NUTM2F: variants seen among roughly 807,000 people sequenced by gnomAD.
The protein encoded by NUTM2F is NUT family member 2F.
In NUTM2F, 22 loss-of-function variants were observed where a neutral mutation model predicts 43.3. That is an observed-to-expected ratio of 0.51 (90% CI 0.36 to 0.73). The LOEUF (loss-of-function observed/expected upper bound fraction) is 0.73. Among genes scored for constraint, NUTM2F ranks in the 30% least tolerant of loss-of-function variants. The pLI is 0.00. For missense variants in NUTM2F, 488 were observed against 927.4 expected (o/e 0.53, Z 6.15); for synonymous variants, 202 against 389.0 (o/e 0.52, Z 5.66).
chr9:94,321,905 G>A (rs1831373208), intron 3 of NUTM2F, among the ~76,000 whole-genome samples: 1 of 151,588 alleles, frequency 6.6e-6, no homozygotes, highest in East Asian at 1.9e-4. Context: ...CATCCCCACA[G>A]CTGGAGGAGA....
At chr9:94,325,970 G>A (rs369814171) in intron 1 of NUTM2F, 36 bp from the exon 2 acceptor site, 246 of 1,607,916 alleles carry the variant, frequency 1.5e-4, no homozygotes, top group Middle Eastern at 2.3e-4. Flanking sequence ...ATGAGCTGGC[G>A]TCTCCAGGTC....
rs2118746667 is a variant in NUTM2F at position 94,328,601 on chromosome 9, G to A, written c.16+7C>T. On this transcript the variant is annotated splice_region_variant and intron_variant, in intron 1 of 6. Coordinates refer to ENST00000253262, the MANE Select transcript of NUTM2F (RefSeq NM_017561.2). ...ACTCGGATAATGCCCCATCCCTACA[G>A]GCTCACCTCCATTTGAAGCCATCCC... 6.2e-7 allele frequency: 1 copy of A among 1,613,726 alleles called. No individual in the cohort carries two copies. Among genetic ancestry groups the A allele is most frequent in the East Asian group, 2.2e-5 (1 of 44,860 alleles).
chr9:94,321,793 C>T (rs1000311776), intron 3 of NUTM2F, among the ~76,000 whole-genome samples: 7 of 149,780 alleles, frequency 4.7e-5, no homozygotes, highest in African/African-American at 1.7e-4. Flanking sequence ...TCCCCTGACC[C>T]AACTCCCTGG....
Position 94,320,130 on chromosome 9 carries a change from G to A in NUTM2F, c.1368+78C>T. On this transcript the variant is annotated intron_variant, in intron 5 of 6. Coordinates refer to ENST00000253262, the MANE Select transcript of NUTM2F (RefSeq NM_017561.2). The surrounding 1 kb of genome is among the most constrained non-coding windows in gnomAD (Gnocchi z 4.5). ...ATACACATACTACTGAGTAGCTAAG[G>A]AACAGAGCTTAATTCCAAGGACCTG... The A allele has an allele frequency of 7.8e-7, 1 of 1,274,174 alleles. No individual in the cohort carries two copies. The highest frequency in any genetic ancestry group is 1.1e-6 in the Non-Finnish European group (1 of 898,704). The allele number at this position is 1,274,174 out of a possible 1,614,324, so 78.9% of individuals were successfully genotyped here. A position where few individuals can be genotyped will look rare whatever the true frequency, so the allele number is the denominator to read the frequency against.
chr9:94,327,166 C>T (rs1311617316), intron 1 of NUTM2F, among the ~76,000 whole-genome samples: 4 of 144,404 alleles, frequency 2.8e-5, no homozygotes, highest in Non-Finnish European at 6.1e-5. Flanking sequence ...TGCAGTGGTG[C>T]GATCTCAGCT....
In NUTM2F at chr9:94,320,491, C is replaced by G; in HGVS notation, c.1085G>C (p.Arg362Thr). 2 of 1,611,438 alleles carry G rather than the reference C, an allele frequency of 1.2e-6. No individual in the cohort carries two copies. Among genetic ancestry groups the G allele is most frequent in the African/African-American group, 1.3e-5 (1 of 74,948 alleles). ...AETKAHLPPP[R>T]PQRPAETNAH... is the part of the protein sequence containing the mutation. Reference sequence around the variant, plus strand: ...GTTGGTCTCCGCTGGCCTCTGGGGCCTGGGTGGTGGCAGGTGGGCCTTGGT... The same window carrying G: ...GTTGGTCTCCGCTGGCCTCTGGGGCGTGGGTGGTGGCAGGTGGGCCTTGGT... Residue 362 changes from arginine (R) to threonine (T), a missense_variant, in exon 5 of 7, where the codon AGG (arginine) becomes ACG (threonine). Transcript: ENST00000253262. The surrounding 1 kb of genome is among the most constrained non-coding windows in gnomAD (Gnocchi z 4.5).
chr9:94,325,070 T>C lies in NUTM2F; in HGVS notation c.713+168A>G, dbSNP rs1048691297. ...ACGTGAGGCCCCTGACAGTCTGTCC[T>C]GAGCCGCAGCCAGATTAATGTTGCT... is the stretch of plus-strand genomic sequence containing the variant. On this transcript the variant is annotated intron_variant, in intron 2 of 6. Transcript: ENST00000253262. Among the ~76,000 whole-genome samples, 7 of 140,162 alleles carry C rather than the reference T, an allele frequency of 5.0e-5. 1 individual carries two copies. Among genetic ancestry groups the C allele is most frequent in the African/African-American group, 1.9e-4 (7 of 36,202 alleles). 92.0% of individuals were successfully genotyped at this position (140,162 alleles called of 152,430 possible). A position where few individuals can be genotyped will look rare whatever the true frequency, so the allele number is the denominator to read the frequency against.
At chr9:94,324,009 C>T (rs141465035) in intron 2 of NUTM2F, among the ~76,000 whole-genome samples, 4,004 of 152,278 alleles carry the variant, frequency 0.026, 75 homozygotes, top group Non-Finnish European at 0.039. Context: ...GTGGCTCACG[C>T]CTGCAATCCT....
At chr9:94,327,097 C>CTT (rs1270082482) in intron 1 of NUTM2F, among the ~76,000 whole-genome samples, 3 of 123,576 alleles carry the variant, frequency 2.4e-5, no homozygotes, top group Non-Finnish European at 5.5e-5. Flanking sequence ...TAGGGATTTT[C>CTT]TTTTTTTTCT....
At chr9:94,323,464 C>G (rs963774798) in intron 2 of NUTM2F, among the ~76,000 whole-genome samples, 4 of 152,130 alleles carry the variant, frequency 2.6e-5, no homozygotes, top group African/African-American at 9.7e-5. Context: ...ACAAACTCTC[C>G]CAGATGCTGA....
chr9:94,325,581 G>C lies in NUTM2F; in HGVS notation c.370C>G (p.Pro124Ala). Reference sequence around the variant, plus strand: ...CCAGGAGCAGCTGCCAGGAGTAGGGGAGGTGGACACATGACACCTCCACAG... The same window carrying C: ...CCAGGAGCAGCTGCCAGGAGTAGGGCAGGTGGACACATGACACCTCCACAG... Reference protein sequence around the residue: ...TLCGGVMCPPPLLLAAAPGVP... With the variant: ...TLCGGVMCPPALLLAAAPGVP... The change falls in exon 2 of 7, where the codon CCC becomes GCC. Residue 124 changes from proline (P) to alanine (A), a missense_variant. Pro to Ala is a conservative substitution (Grantham distance 27). Coordinates refer to ENST00000253262, the MANE Select transcript of NUTM2F (RefSeq NM_017561.2). The C allele has an allele frequency of 6.4e-7, 1 of 1,564,830 alleles. No individual in the cohort carries two copies. The highest frequency in any genetic ancestry group is 1.1e-5 in the South Asian group (1 of 87,318).
intron 2 of NUTM2F, among the ~76,000 whole-genome samples, 192 bp downstream of exon 2, chr9:94,325,046 C>T (rs948220799): frequency 4.3e-5 from 6 of 140,638 alleles, no homozygotes; most frequent in African/African-American, 1.4e-4. Context: ...AGGCAGTTGA[C>T]GTGAGGCCCC....
At chr9:94,324,714 G>A (rs1393264613) in intron 2 of NUTM2F, among the ~76,000 whole-genome samples, 1 of 150,380 alleles carries the variant, frequency 6.6e-6, no homozygotes, top group South Asian at 2.1e-4. Context: ...ATTGGGGCGG[G>A]GCATGATGGC....
Position 94,320,547 on chromosome 9 carries a change from C to T in NUTM2F, c.1029G>A (p.Leu343=). 3 of 1,610,664 alleles carry T rather than the reference C, an allele frequency of 1.9e-6. No individual in the cohort carries two copies. The South Asian group carries it at 3.3e-5, about 18-fold the overall frequency. Residue 343 remains leucine (L), a synonymous_variant, in exon 5 of 7, where the codon CTG becomes CTA. Coordinates refer to ENST00000253262, the MANE Select transcript of NUTM2F (RefSeq NM_017561.2). The surrounding 1 kb of genome is among the most constrained non-coding windows in gnomAD (Gnocchi z 4.5). The stretch of plus-strand genomic sequence containing the variant: ...CTGGCCTCTGGGGCCTGGGTGGTGG[C>T]AGGCAGGCAGTCGGGGCCTTGGGGC... ...KDGPKAPTAC[L]PPPRPQRPAE...
rs775904357 is a variant in NUTM2F at position 94,322,194 on chromosome 9, G to A, written c.842+7C>T. On this transcript the variant is annotated splice_region_variant and intron_variant, in intron 3 of 6. Transcript: ENST00000253262. ...CACGGGCCCTGCCCCCAGGACCCCAGACTCACTTTTCCGCCATCTCGTAGA... is the reference window on the plus strand; with the variant it reads ...CACGGGCCCTGCCCCCAGGACCCCAAACTCACTTTTCCGCCATCTCGTAGA... 3.7e-6 allele frequency: 6 copies of A among 1,611,826 alleles called. No homozygotes were observed. Among genetic ancestry groups the A allele is most frequent in the Middle Eastern group, 2.2e-4 (1 of 4,456 alleles).
intron 1 of NUTM2F, among the ~76,000 whole-genome samples, chr9:94,328,097 CTG>C (rs201229169): frequency 1.3e-5 from 2 of 151,908 alleles, no homozygotes; most frequent in Non-Finnish European, 1.5e-5. Context: ...CACCCAGAGG[CTG>C]TCACTACATG....
At position 94,321,166 on chromosome 9, in the gene NUTM2F, C is replaced by G. The variant is rs756250573; in HGVS notation, c.909G>C (p.Gln303His). The change falls in exon 4 of 7, where the codon CAG (glutamine) becomes CAC (histidine). Residue 303 changes from glutamine (Q) to histidine (H), a missense_variant. Gln to His is a conservative substitution (Grantham distance 24). Coordinates refer to ENST00000253262, the MANE Select transcript of NUTM2F (RefSeq NM_017561.2). ...IQKSQWMKGP[Q>H]SLPPPAPPRL... ...TCGGCGGGGCTGGAGGAGGCAGGCTCTGGGGCCCCTTCATCCACTGCGATT... is the reference window on the plus strand; with the variant it reads ...TCGGCGGGGCTGGAGGAGGCAGGCTGTGGGGCCCCTTCATCCACTGCGATT... 3.9e-6 allele frequency: 6 copies of G among 1,553,112 alleles called. No homozygotes were observed. Among genetic ancestry groups the G allele is most frequent in the Admixed American group, 1.9e-5 (1 of 53,154 alleles).
rs1443981423 is a variant in NUTM2F at position 94,322,253 on chromosome 9, A to G, written c.790T>C (p.Trp264Arg). 2 of 1,612,040 alleles carry G rather than the reference A, an allele frequency of 1.2e-6. No individual in the cohort carries two copies. Among genetic ancestry groups the G allele is most frequent in the East Asian group, 2.2e-5 (1 of 44,884 alleles). ...CGGTCAAAGTTGCTCGTGTGCTGCC[A>G]TTCCCGCATGGCCTGCCACAGTCCC... is the stretch of plus-strand genomic sequence containing the variant. ...EEGLWQAMRE[W>R]QHTSNFDRMI... The change falls in exon 3 of 7, where the codon TGG becomes CGG. Residue 264 changes from tryptophan (W) to arginine (R), a missense_variant. Transcript: ENST00000253262.
intron 1 of NUTM2F, among the ~76,000 whole-genome samples, chr9:94,327,092 A>T (rs1203124277): frequency 7.4e-6 from 1 of 134,962 alleles, no homozygotes; most frequent in Non-Finnish European, 1.6e-5. Flanking sequence ...GTGTCTAGGG[A>T]TTTTCTTTTT....
Sources: allele counts gnomAD v4.1 joint callset (sites outside exome capture counted in the v4.1 genomes callset), GRCh38; gene constraint gnomAD v4.1.1; non-coding constraint Gnocchi (gnomAD v3.1); transcripts MANE v1.5; gene names NCBI Gene and HGNC (gene_info 2026-07-23, HGNC 2026-07-21).